Variants in SERPING1 observed in about 807,000 individuals in gnomAD.
The protein encoded by SERPING1 is serpin family G member 1.
Under a neutral mutation model 34.1 loss-of-function variants are expected in SERPING1, and 5 were observed. The observed-to-expected ratio is 0.15, with a 90% confidence interval of 0.08 to 0.31. SERPING1 has a LOEUF of 0.31. Among genes scored for constraint, SERPING1 ranks in the 10% least tolerant of loss-of-function variants. The pLI is 1.00. For missense variants in SERPING1, 505 were observed against 609.5 expected, an observed-to-expected ratio of 0.83 and a Z score of 1.81; for synonymous variants, 225 against 242.4, an observed-to-expected ratio of 0.93 and a Z score of 0.67.
At position 57,614,332 on chromosome 11, in the gene SERPING1, C is replaced by A; in HGVS notation, c.1254C>A (p.Phe418Leu). Residue 418 changes from phenylalanine (F) to leucine (L), a missense_variant, in exon 8 of 8, where the codon TTC becomes TTA. Transcript: ENST00000278407. ...TTTTCTCTGGTTTTGCCCTAGAATT[C>A]TTCGATTTTTCTTATGACCTTAACC... Reference protein sequence around the residue: ...DMLSIMEKLEFFDFSYDLNLC... With the variant: ...DMLSIMEKLELFDFSYDLNLC... The A allele has an allele frequency of 6.2e-7, 1 of 1,613,728 alleles. No individual in the cohort carries two copies. The highest frequency in any genetic ancestry group is 2.2e-5 in the East Asian group (1 of 44,882).
chr11:57,612,852 C>T (rs1229672982), intron 7 of SERPING1, among the ~76,000 whole-genome samples: 1 of 152,158 alleles, frequency 6.6e-6, no homozygotes, highest in African/African-American at 2.4e-5. Flanking sequence ...TCAAGTGATT[C>T]TCCTACCTCA....
At chr11:57,608,721 C>G (rs1045051830) in intron 6 of SERPING1, among the ~76,000 whole-genome samples, 1 of 151,770 alleles carries the variant, frequency 6.6e-6, no homozygotes, top group Non-Finnish European at 1.5e-5. Context: ...CCATGTTGGC[C>G]AGGCTGGTCA....
intron 7 of SERPING1, among the ~76,000 whole-genome samples, chr11:57,613,402 C>A (rs974581256): frequency 6.6e-6 from 1 of 152,308 alleles, no homozygotes; most frequent in Non-Finnish European, 1.5e-5. Context: ...ATCAGACCAA[C>A]CAGCTATAAT....
chr11:57,608,807 C>T (rs1309051590), intron 6 of SERPING1, among the ~76,000 whole-genome samples: 7 of 149,500 alleles, frequency 4.7e-5, no homozygotes, highest in African/African-American at 1.2e-4. Context: ...GCCACTGCAC[C>T]CAGCCTGAGT....
At chr11:57,609,916 G>T (rs932990661) in intron 6 of SERPING1, among the ~76,000 whole-genome samples, 2 of 152,132 alleles carry the variant, frequency 1.3e-5, no homozygotes, top group Non-Finnish European at 2.9e-5. Context: ...CCAGGCATGA[G>T]CCACCTCACC....
chr11:57,601,883 A>AGC, intron 3 of SERPING1, 152 bp from the exon 4 acceptor site: 2 of 482,958 alleles, frequency 4.1e-6, no homozygotes, highest in East Asian at 4.2e-5. Flanking sequence ...AAAAAAAAAG[A>AGC]GAGATTGAGA....
chr11:57,605,712 A>G (rs1945401173), intron 4 of SERPING1: 2 of 427,196 alleles, frequency 4.7e-6, no homozygotes, highest in South Asian at 2.3e-5. Flanking sequence ...GAAAAGAGGG[A>G]AAATCTAGGC....
rs904412322 is a variant in SERPING1 at position 57,614,608 on chromosome 11, C to G, written c.*27C>G. 2 of 1,608,316 alleles carry G rather than the reference C, an allele frequency of 1.2e-6. No individual in the cohort carries two copies. Among genetic ancestry groups the G allele is most frequent in the African/African-American group, 1.3e-5 (1 of 74,862 alleles). On this transcript the variant is annotated 3_prime_UTR_variant, in exon 8 of 8. Transcript: ENST00000278407. Reference sequence around the variant, plus strand: ...ACCTGCAGGATCAGGTTAGGGCGAGCGCTACCTCTCCAGCCTCAGCTCTCA... The same window carrying G: ...ACCTGCAGGATCAGGTTAGGGCGAGGGCTACCTCTCCAGCCTCAGCTCTCA...
chr11:57,610,363 AT>A (rs761782651), intron 6 of SERPING1, among the ~76,000 whole-genome samples: 17 of 152,104 alleles, frequency 1.1e-4, no homozygotes, highest in Admixed American at 2.6e-4. Context: ...AGCATGGTAA[AT>A]TTTTCTTCAG....
intron 4 of SERPING1, 107 bp from the exon 5 acceptor site, chr11:57,605,903 C>T: frequency 9.3e-7 from 1 of 1,070,062 alleles, no homozygotes; most frequent in Non-Finnish European, 1.5e-6. Flanking sequence ...GCCGTATTCA[C>T]TAAGTGAGCA....
chr11:57,599,574 C>T (rs1477321250), intron 2 of SERPING1, among the ~76,000 whole-genome samples: 2 of 152,320 alleles, frequency 1.3e-5, no homozygotes, highest in African/African-American at 4.8e-5. Flanking sequence ...CAACACTCAG[C>T]TTCACTGTTT....
Position 57,605,785 on chromosome 11 carries a change from GC to G in SERPING1, c.686-224del, listed in dbSNP as rs1177659102. ...AGCCATAGTCACATAGCAAGCTGAG[GC>G]AGCGGAGGCTTGGGGCTACTTCTCT... On this transcript the variant is annotated intron_variant, in intron 4 of 7. Transcript: ENST00000278407. 277 of 600,318 alleles carry G rather than the reference GC, an allele frequency of 4.6e-4. 2 individuals carry two copies. The highest frequency in any genetic ancestry group is 1.4e-4 in the Non-Finnish European group (48 of 333,258). 37.2% of individuals were successfully genotyped at this position (600,318 alleles called of 1,614,324 possible). A position where few individuals can be genotyped will look rare whatever the true frequency, so the allele number is the denominator to read the frequency against.
chr11:57,604,409 G>C (rs1380757648), intron 4 of SERPING1, among the ~76,000 whole-genome samples: 1 of 152,056 alleles, frequency 6.6e-6, no homozygotes, highest in African/African-American at 2.4e-5. Context: ...CGGAGCCCTA[G>C]GACTTTGCAA....
At chr11:57,609,634 A>AT (rs1945456902) in intron 6 of SERPING1, among the ~76,000 whole-genome samples, 1 of 152,154 alleles carries the variant, frequency 6.6e-6, no homozygotes, top group African/African-American at 2.4e-5. Flanking sequence ...TTGTTCTTGA[A>AT]TTAATTGCCA....
chr11:57,603,976 C>T (rs1416654972), intron 4 of SERPING1, among the ~76,000 whole-genome samples: 1 of 151,778 alleles, frequency 6.6e-6, no homozygotes, highest in Non-Finnish European at 1.5e-5. Flanking sequence ...ACCAGGAAAC[C>T]CTGTCTCTGT....
At chr11:57,607,187 C>T (rs1945419192) in intron 6 of SERPING1, among the ~76,000 whole-genome samples, 1 of 152,188 alleles carries the variant, frequency 6.6e-6, no homozygotes, top group South Asian at 2.1e-4. Flanking sequence ...CAATACCTGG[C>T]TGAGAAACAA....
chr11:57,604,040 G>A (rs189125914), intron 4 of SERPING1, among the ~76,000 whole-genome samples: 317 of 150,016 alleles, frequency 2.1e-3, no homozygotes, highest in Non-Finnish European at 3.9e-3. Context: ...GTCCCAGCAG[G>A]AGAATAACTT....
chr11:57,606,654 C>T (rs1006259340), intron 6 of SERPING1, 107 bp downstream of exon 6: 28 of 1,098,580 alleles, frequency 2.5e-5, no homozygotes, highest in Non-Finnish European at 3.8e-5. Flanking sequence ...AAATTCATCA[C>T]TTCTACTCCT....
intron 2 of SERPING1, 54 bp downstream of exon 2, chr11:57,598,375 G>A (rs1207203027): frequency 1.7e-5 from 26 of 1,508,932 alleles, no homozygotes; most frequent in Middle Eastern, 4.2e-4. Context: ...AGGCGGGATG[G>A]TGCGGGGTGC....
Sources: gnomAD v4.1 joint callset for allele counts (sites outside exome capture counted in the v4.1 genomes callset) on GRCh38, gnomAD v4.1.1 for gene constraint, MANE v1.5 for transcripts, NCBI Gene and HGNC (gene_info 2026-07-23, HGNC 2026-07-21) for gene names.